The following XRCC4 variants were observed in gnomAD, a reference collection of about 807,000 sequenced individuals.
The protein encoded by XRCC4 is X-ray repair cross complementing 4, also known as DNA repair protein XRCC4.
In XRCC4, 28 loss-of-function variants were observed where a neutral mutation model predicts 39.1. The ratio of observed to expected loss-of-function variants is 0.72; its 90% CI spans 0.53 to 0.98. The LOEUF (loss-of-function observed/expected upper bound fraction) is 0.98. XRCC4 is among the 50% of genes least tolerant of loss of function. The pLI is 0.00. For missense variants in XRCC4, 350 were observed against 376.4 expected (o/e 0.93, Z 0.58); for synonymous variants, 123 against 126.4 (o/e 0.97, Z 0.18).
chr5:83,274,184 A>G (rs947117255), intron 7 of XRCC4, among the ~76,000 whole-genome samples: 1 of 152,160 alleles, frequency 6.6e-6, no homozygotes, highest in Admixed American at 6.5e-5. Context: ...TTCCCTTTCC[A>G]GTACTCAACT....
the XRCC4 span, among the ~76,000 whole-genome samples, chr5:83,359,137 A>G: frequency 6.6e-6 from 1 of 152,198 alleles, no homozygotes; most frequent in Admixed American, 6.5e-5. Flanking sequence ...CTTGCAAATG[A>G]CCCACGCTGC....
At chr5:83,225,693 G>T (rs956398976) in intron 6 of XRCC4, among the ~76,000 whole-genome samples, 1 of 150,838 alleles carries the variant, frequency 6.6e-6, no homozygotes, top group Admixed American at 6.6e-5. Flanking sequence ...TCTGGTTTCA[G>T]CTTCCAAAAG....
chr5:83,365,168 A>G, the XRCC4 span, among the ~76,000 whole-genome samples: 4 of 152,298 alleles, frequency 2.6e-5, no homozygotes, highest in South Asian at 6.2e-4. Flanking sequence ...TTTGCTTCAT[A>G]TGACTGATCT....
intron 4 of XRCC4, chr5:83,201,817 A>T (rs1751210554): frequency 1.3e-5 from 2 of 152,258 alleles, no homozygotes; most frequent in Non-Finnish European, 2.9e-5. Context: ...GCTGAGGCAG[A>T]TGGATCACGA....
intron 6 of XRCC4, among the ~76,000 whole-genome samples, chr5:83,254,401 C>G (rs1753448696): frequency 6.6e-6 from 1 of 152,164 alleles, no homozygotes; most frequent in South Asian, 2.1e-4. Flanking sequence ...CCTCATTACC[C>G]TTTGAACATT....
intron 3 of XRCC4, among the ~76,000 whole-genome samples, chr5:83,173,555 C>T (rs887202926): frequency 2.0e-5 from 3 of 151,970 alleles, no homozygotes; most frequent in Non-Finnish European, 2.9e-5. Flanking sequence ...TTTCTAAAAT[C>T]ATAAAGAAGA....
chr5:83,235,316 C>G (rs536268445), intron 6 of XRCC4, among the ~76,000 whole-genome samples: 1 of 111,404 alleles, frequency 9.0e-6, no homozygotes, highest in South Asian at 2.7e-4. Flanking sequence ...GCCTGGGTGA[C>G]AGATCAAGAC....
rs59794451 is a variant in XRCC4 at position 83,275,296 on chromosome 5, GT to G, written c.893+16635del. Among the ~76,000 whole-genome samples the G allele has an allele frequency of 2.6e-3, 365 of 141,510 alleles. 1 individual carries two copies. The highest frequency in any genetic ancestry group is 6.5e-3 in the African/African-American group (249 of 38,394). The allele number at this position is 141,510 out of a possible 152,430, so 92.8% of individuals were successfully genotyped here. ...GATGGTTCTGTTTTGGCTAGGTTAG[GT>G]TTTTTTTTTTTTTTTGAGACGGAGT... On this transcript the variant is annotated intron_variant, in intron 7 of 7. Transcript: ENST00000396027.
chr5:83,341,861 T>TG (rs769129859), intron 7 of XRCC4, among the ~76,000 whole-genome samples: 1 of 152,206 alleles, frequency 6.6e-6, no homozygotes, highest in African/African-American at 2.4e-5. Context: ...GGTTAATACA[T>TG]GCAATCAGTG....
chr5:83,215,759 A>G (rs1019324797), intron 6 of XRCC4, among the ~76,000 whole-genome samples: 1 of 152,176 alleles, frequency 6.6e-6, no homozygotes, highest in African/African-American at 2.4e-5. Context: ...TGCTTGGACA[A>G]TTGGGTATCG....
At chr5:83,275,444 G>A (rs1338817528) in intron 7 of XRCC4, among the ~76,000 whole-genome samples, 2 of 151,628 alleles carry the variant, frequency 1.3e-5, no homozygotes, top group Non-Finnish European at 2.9e-5. Flanking sequence ...ACAGGCGCCC[G>A]CCACTACGCC....
At chr5:83,184,220 T>A (rs994528188) in intron 3 of XRCC4, among the ~76,000 whole-genome samples, 1 of 152,130 alleles carries the variant, frequency 6.6e-6, no homozygotes, top group Non-Finnish European at 1.5e-5. Flanking sequence ...TTAGGAATTT[T>A]AAAATACTTA....
intron 7 of XRCC4, among the ~76,000 whole-genome samples, chr5:83,302,753 A>G (rs889934223): frequency 6.6e-6 from 1 of 152,226 alleles, no homozygotes; most frequent in African/African-American, 2.4e-5. Context: ...TACAAATATA[A>G]TAATAGCTAA....
intron 3 of XRCC4, among the ~76,000 whole-genome samples, chr5:83,177,438 C>CTTTG (rs1554061575): frequency 1.3e-4 from 13 of 98,328 alleles, no homozygotes; most frequent in African/African-American, 2.0e-4. Flanking sequence ...GCTTTAATAC[C>CTTTG]TTTTTTTTTT....
chr5:83,203,458 T>A (rs2112727906), intron 4 of XRCC4, 94 bp from the exon 5 acceptor site: 1 of 1,107,154 alleles, frequency 9.0e-7, no homozygotes, highest in East Asian at 2.8e-5. Flanking sequence ...TCTTTAATTG[T>A]ATTTTCCTTG....
rs1246250490 is a variant in XRCC4 at position 83,137,066 on chromosome 5, C to CA, written c.315+25870dup. ...GTCATCAAGTTGTGTACCTTATATA[C>CA]AAAAAAATCCAGTTTTTATTTATGA... On this transcript the variant is annotated intron_variant, in intron 3 of 7. Transcript: ENST00000396027. Among the ~76,000 whole-genome samples the CA allele has an allele frequency of 1.1e-4, 17 of 151,958 alleles. 1 individual carries two copies. The highest frequency in any genetic ancestry group is 6.5e-5 in the Admixed American group (1 of 15,270).
intron 3 of XRCC4, among the ~76,000 whole-genome samples, chr5:83,153,306 T>C (rs1384196036): frequency 1.3e-5 from 2 of 151,994 alleles, no homozygotes; most frequent in Non-Finnish European, 2.9e-5. Context: ...CCTCCCGAGT[T>C]CAAGCAATTC....
intron 3 of XRCC4, among the ~76,000 whole-genome samples, chr5:83,128,930 G>T (rs998758342): frequency 6.6e-6 from 1 of 152,110 alleles, no homozygotes; most frequent in African/African-American, 2.4e-5. Context: ...TAGGTTGCCT[G>T]CTCACTCTGA....
chr5:83,176,157 C>A (rs551964632), intron 3 of XRCC4, among the ~76,000 whole-genome samples: 2 of 152,152 alleles, frequency 1.3e-5, no homozygotes, highest in South Asian at 4.1e-4. Flanking sequence ...ACATTAGAAA[C>A]CTTTGGCCAA....
Sources: gnomAD v4.1 joint callset for allele counts (sites outside exome capture counted in the v4.1 genomes callset) on GRCh38, gnomAD v4.1.1 for gene constraint, MANE v1.5 for transcripts, NCBI Gene and HGNC (gene_info 2026-07-23, HGNC 2026-07-21) for gene names.